MAGI2: variants seen among roughly 807,000 people sequenced by gnomAD.
MAGI2 encodes the protein membrane-associated guanylate kinase, WW and PDZ domain-containing protein 2.
In MAGI2, 35 loss-of-function variants were observed where a neutral mutation model predicts 133.3. That is an observed-to-expected ratio of 0.26 (90% CI 0.20 to 0.35). The LOEUF (loss-of-function observed/expected upper bound fraction) is 0.35, where lower values mean the gene tolerates loss of function less well. Ranked by LOEUF, MAGI2 falls within the 10% of genes least tolerant of loss-of-function variation. MAGI2 has a pLI of 1.00. For missense variants in MAGI2, 1,636 were observed against 1,863.4 expected (o/e 0.88, Z 2.25); for synonymous variants, 729 against 710.6 (o/e 1.03, Z -0.41).
At chr7:78,116,909 A>G (rs1025643421) in intron 20 of MAGI2, among the ~76,000 whole-genome samples, 4 of 151,988 alleles carry the variant, frequency 2.6e-5, no homozygotes, top group Non-Finnish European at 4.4e-5. Flanking sequence ...TAAAAATGAT[A>G]TAAAAAGTTT....
chr7:78,358,734 G>C (rs1792443016), intron 7 of MAGI2: 1 of 211,914 alleles, frequency 4.7e-6, no homozygotes, highest in Admixed American at 5.7e-5. Flanking sequence ...GCCACCATGG[G>C]GGAGAAGAGG....
Position 78,256,412 on chromosome 7 carries a change from G to T in MAGI2, c.1578C>A (p.Pro526=), listed in dbSNP as rs776613677. 1.2e-6 allele frequency: 2 copies of T among 1,613,898 alleles called. No individual in the cohort carries two copies. Among genetic ancestry groups the T allele is most frequent in the African/African-American group, 2.7e-5 (2 of 75,034 alleles). Residue 526 remains proline (P), a synonymous_variant, in exon 10 of 22, where the codon CCC becomes CCA. Transcript: ENST00000354212. ...PEDPANSMVP[P]LAIMERPPPV... is the part of the protein sequence containing the mutation. ...GAGGTGGCCTCTCCATTATTGCAAG[G>T]GGTGGCACCATGCTGTTAGCAGGGT...
At chr7:78,106,209 C>T (rs1818672895) in intron 20 of MAGI2, among the ~76,000 whole-genome samples, 1 of 152,116 alleles carries the variant, frequency 6.6e-6, no homozygotes, top group African/African-American at 2.4e-5. Flanking sequence ...TTTTCTGTAG[C>T]TGAATAGTAT....
At chr7:78,551,576 A>C (rs559886976) in intron 3 of MAGI2, among the ~76,000 whole-genome samples, 2 of 152,244 alleles carry the variant, frequency 1.3e-5, no homozygotes, top group Non-Finnish European at 2.9e-5. Context: ...TACCCACTGC[A>C]TGTCAACCCT....
At chr7:78,386,422 G>A (rs971109732) in intron 6 of MAGI2, among the ~76,000 whole-genome samples, 4 of 152,108 alleles carry the variant, frequency 2.6e-5, no homozygotes, top group African/African-American at 9.7e-5. Context: ...ACCTGGAATC[G>A]AAAACATGAT....
chr7:78,573,253 T>A (rs1301829697), intron 3 of MAGI2, among the ~76,000 whole-genome samples: 1 of 40,312 alleles, frequency 2.5e-5, no homozygotes, highest in Non-Finnish European at 4.4e-5. Flanking sequence ...TATAAATATA[T>A]ATAAATATAA....
At chr7:79,394,184 A>T (rs1180381181) in intron 1 of MAGI2, among the ~76,000 whole-genome samples, 2 of 152,154 alleles carry the variant, frequency 1.3e-5, no homozygotes, top group East Asian at 3.9e-4. Flanking sequence ...CTAAGACTCT[A>T]GACGTTGATT....
Position 78,547,651 on chromosome 7 carries a change from G to A in MAGI2, c.539-26006C>T, listed in dbSNP as rs537407154. ...AGGATGCCATTCTATCACAAGGCACGCGCGCACACACACACTCACTCAGAT... is the reference window on the plus strand; with the variant it reads ...AGGATGCCATTCTATCACAAGGCACACGCGCACACACACACTCACTCAGAT... On this transcript the variant is annotated intron_variant, in intron 3 of 21. Transcript: ENST00000354212. Among the ~76,000 whole-genome samples, 35 of 152,232 alleles carry A rather than the reference G, an allele frequency of 2.3e-4. 1 individual carries two copies. The highest frequency in any genetic ancestry group is 6.8e-3 in the Middle Eastern group (2 of 294).
intron 2 of MAGI2, among the ~76,000 whole-genome samples, chr7:78,728,291 A>G (rs904675062): frequency 6.6e-5 from 10 of 152,200 alleles, no homozygotes; most frequent in East Asian, 3.8e-4. Flanking sequence ...AAACAGCCCA[A>G]TTTTAAGAAT....
intron 6 of MAGI2, among the ~76,000 whole-genome samples, chr7:78,375,550 C>T (rs11764520): frequency 0.82 from 123,908 of 151,698 alleles, 50,705 homozygotes; most frequent in Admixed American, 0.85. Context: ...ATCCTTCAAC[C>T]CTATATTATT....
chr7:79,112,617 A>G (rs1819022002), intron 1 of MAGI2, among the ~76,000 whole-genome samples: 1 of 152,168 alleles, frequency 6.6e-6, no homozygotes, highest in African/African-American at 2.4e-5. Flanking sequence ...CTTACCATCT[A>G]TGTCACACAA....
chr7:79,131,934 T>C (rs1562925029), intron 1 of MAGI2, among the ~76,000 whole-genome samples: 1 of 152,146 alleles, frequency 6.6e-6, no homozygotes, highest in Non-Finnish European at 1.5e-5. Context: ...TTTAGTATAA[T>C]ATTACTTAAA....
chr7:78,320,144 A>G (rs1787852456), intron 9 of MAGI2, among the ~76,000 whole-genome samples: 1 of 152,150 alleles, frequency 6.6e-6, no homozygotes, highest in African/African-American at 2.4e-5. Context: ...CTACCAACCA[A>G]AAAGAGTCCA....
intron 14 of MAGI2, among the ~76,000 whole-genome samples, chr7:78,173,774 AG>A (rs1176186853): frequency 6.6e-6 from 1 of 152,058 alleles, no homozygotes; most frequent in Non-Finnish European, 1.5e-5. Flanking sequence ...GGAATCTCAA[AG>A]ACAGTAGCTT....
intron 9 of MAGI2, among the ~76,000 whole-genome samples, chr7:78,321,981 A>G (rs1411533030): frequency 6.6e-6 from 1 of 152,232 alleles, no homozygotes; most frequent in Non-Finnish European, 1.5e-5. Flanking sequence ...TCAAAAGAAG[A>G]TATTTATGCA....
rs149477276 is a variant in MAGI2, at chr7:78,787,010, C to T, written c.419-159771G>A. On this transcript the variant is annotated intron_variant, in intron 2 of 21. Coordinates refer to ENST00000354212, the MANE Select transcript of MAGI2 (RefSeq NM_012301.4). ...CTATTGCCAAGCTGGAGTGTAGTGG[C>T]GCGATCTCGGCTCACTGCAACCTCC... Among the ~76,000 whole-genome samples the T allele has an allele frequency of 5.4e-3, 814 of 151,462 alleles. 6 individuals carry two copies. The highest frequency in any genetic ancestry group is 0.019 in the African/African-American group (766 of 41,238).
chr7:78,331,127 A>G (rs919536976), intron 9 of MAGI2, among the ~76,000 whole-genome samples: 2 of 152,180 alleles, frequency 1.3e-5, no homozygotes, highest in Non-Finnish European at 2.9e-5. Context: ...TCCAAATACT[A>G]CATGTTCTCA....
intron 1 of MAGI2, among the ~76,000 whole-genome samples, chr7:79,013,214 T>C (rs1034151138): frequency 2.5e-5 from 2 of 81,092 alleles, no homozygotes; most frequent in Non-Finnish European, 5.9e-5. Flanking sequence ...TTACTTATAG[T>C]TTACAAATTA....
chr7:78,074,686 C>T (rs1384045787), intron 21 of MAGI2, among the ~76,000 whole-genome samples: 1 of 152,126 alleles, frequency 6.6e-6, no homozygotes, highest in East Asian at 1.9e-4. Context: ...TTAAGATATA[C>T]TCTAGTTTAT....
Sources: gnomAD v4.1 joint callset for allele counts (sites outside exome capture counted in the v4.1 genomes callset) on GRCh38, gnomAD v4.1.1 for gene constraint, MANE v1.5 for transcripts, NCBI Gene and HGNC (gene_info 2026-07-23, HGNC 2026-07-21) for gene names.